Variants in PLS3 observed in about 807,000 individuals in gnomAD.
The protein encoded by PLS3 is plastin 3, also known as plastin-3.
In PLS3, 11 loss-of-function variants were observed where a neutral mutation model predicts 46.5. The ratio of observed to expected loss-of-function variants is 0.24; its 90% CI spans 0.15 to 0.39. The LOEUF (loss-of-function observed/expected upper bound fraction) is 0.39. PLS3 is among the 10% of genes least tolerant of loss of function. The probability of loss-of-function intolerance (pLI) is 1.00; values close to 1 mark genes in which losing one functional copy is unlikely to be tolerated. For synonymous variants in PLS3, 167 were observed against 162.2 expected (o/e 1.03, Z -0.22); for missense variants, 308 against 461.8 (o/e 0.67, Z 3.05).
chrX:115,625,819 G>C (rs782363519), intron 3 of PLS3, among the ~76,000 whole-genome samples: 2 of 111,496 alleles, frequency 1.8e-5, no homozygotes, highest in Non-Finnish European at 3.8e-5. Context: ...GTCCTGTGTT[G>C]AGCTAACTCT....
At chrX:115,610,915 AT>A in intron 2 of PLS3, 1 of 984,134 alleles carries the variant, frequency 1.0e-6, no homozygotes, top group Non-Finnish European at 1.4e-6. Flanking sequence ...TTGAGCAGCT[AT>A]GGAAGGTAAA....
intron 1 of PLS3, among the ~76,000 whole-genome samples, chrX:115,608,557 C>T (rs782599783): frequency 3.6e-5 from 4 of 112,002 alleles, no homozygotes; most frequent in Non-Finnish European, 7.5e-5. Flanking sequence ...ACGTACCACT[C>T]AGGTACAGGA....
At chrX:115,617,012 A>G (rs1286464271) in intron 2 of PLS3, among the ~76,000 whole-genome samples, 1 of 111,621 alleles carries the variant, frequency 9.0e-6, no homozygotes, top group Non-Finnish European at 1.9e-5. Flanking sequence ...GCCTAAGGAT[A>G]TGTATTCGAA....
intron 1 of PLS3, among the ~76,000 whole-genome samples, chrX:115,595,053 C>T (rs1444438285): frequency 5.4e-5 from 6 of 111,566 alleles, no homozygotes; most frequent in Non-Finnish European, 9.4e-5. Context: ...TTGAGACTTG[C>T]ATTAAATAGC....
intron 1 of PLS3, among the ~76,000 whole-genome samples, chrX:115,578,200 ATGTT>A (rs2074259410): frequency 8.9e-6 from 1 of 111,964 alleles, no homozygotes; most frequent in South Asian, 3.7e-4. Context: ...ATCCATGTGA[ATGTT>A]TGGGGAGAAG....
chrX:115,624,779 G>A (rs1419476505), intron 3 of PLS3, among the ~76,000 whole-genome samples: 1 of 111,995 alleles, frequency 8.9e-6, no homozygotes, highest in East Asian at 2.8e-4. Flanking sequence ...AGGGCTTTAA[G>A]AAAACAACAT....
At chrX:115,589,574 A>G (rs1186765323) in intron 1 of PLS3, among the ~76,000 whole-genome samples, 2 of 112,012 alleles carry the variant, frequency 1.8e-5, no homozygotes, top group Non-Finnish European at 3.8e-5. Context: ...AAACTGTTTC[A>G]TGAAAGGAAA....
chrX:115,630,884 T>TAC (rs1307459386), intron 5 of PLS3, among the ~76,000 whole-genome samples: 3 of 96,076 alleles, frequency 3.1e-5, no homozygotes, highest in Non-Finnish European at 6.0e-5. Flanking sequence ...TATGTATATA[T>TAC]ATGTATAATA....
At position 115,642,182 on chromosome X, in the gene PLS3, G is replaced by A. The variant is rs138494424; in HGVS notation, c.988-1131G>A. ...GCGTGAGCCACCACGTCCAACCAAG[G>A]CCTAATTTTAACTCTGAACAGTTTT... On this transcript the variant is annotated intron_variant, in intron 9 of 15. Transcript: ENST00000355899. Among the ~76,000 whole-genome samples, 4 of 108,189 alleles carry A rather than the reference G, an allele frequency of 3.7e-5. No homozygotes were observed. In the East Asian group the frequency reaches 1.2e-3, roughly 31 times the overall value. 93.9% of individuals were successfully genotyped at this position (108,189 alleles called of 115,157 possible).
Position 115,600,150 on chromosome X carries a change from A to G in PLS3, c.-8-10093A>G, listed in dbSNP as rs184544445. On this transcript the variant is annotated intron_variant, in intron 1 of 15. Transcript: ENST00000355899. ...ACATTGCAGTTGGTTGGAGTATTTT[A>G]TTCATTTTTTATGTTTATTTTTTTA... Among the ~76,000 whole-genome samples, 117 of 110,625 alleles carry G rather than the reference A, an allele frequency of 1.1e-3. 1 individual carries two copies. The highest frequency in any genetic ancestry group is 2.1e-4 in the Non-Finnish European group (11 of 52,911).
At chrX:115,643,534 G>C in intron 10 of PLS3, 26 bp downstream of exon 10, 1 of 908,425 alleles carries the variant, frequency 1.1e-6, no homozygotes, top group African/African-American at 1.9e-5. Flanking sequence ...AATTTCGAAT[G>C]TGTGGGACTA....
At chrX:115,577,661 A>G (rs189422369) in intron 1 of PLS3, among the ~76,000 whole-genome samples, 4 of 110,749 alleles carry the variant, frequency 3.6e-5, no homozygotes, top group African/African-American at 1.3e-4. Context: ...TGTTTTTTGT[A>G]GAGATGGGGT....
intron 1 of PLS3, among the ~76,000 whole-genome samples, chrX:115,574,536 T>C (rs1556630987): frequency 2.7e-5 from 3 of 112,152 alleles, no homozygotes; most frequent in Admixed American, 9.5e-5. Context: ...TTGGGACATA[T>C]TAATATTTTG....
chrX:115,641,221 CTT>C (rs2074891613), intron 9 of PLS3, among the ~76,000 whole-genome samples: 2 of 97,343 alleles, frequency 2.1e-5, no homozygotes, highest in African/African-American at 3.9e-5. Context: ...TTTTTCTTCT[CTT>C]TCTTTTTTTT....
At chrX:115,595,235 TA>T (rs1289508065) in intron 1 of PLS3, among the ~76,000 whole-genome samples, 5 of 111,831 alleles carry the variant, frequency 4.5e-5, no homozygotes, top group Non-Finnish European at 9.4e-5. Context: ...AACTTTTACC[TA>T]AAATGGAGGT....
At position 115,629,220 on chromosome X, in the gene PLS3, G is replaced by C; in HGVS notation, c.260G>C (p.Ser87Thr). Reference sequence around the variant, plus strand: ...TAGATTTTTCAAGAGGTAAAAAGTAGTGATATTGCCAAGACCTTCCGCAAA... The same window carrying C: ...TAGATTTTTCAAGAGGTAAAAAGTACTGATATTGCCAAGACCTTCCGCAAA... ...FVYIFQEVKSSDIAKTFRKAI... is the reference protein window; with the variant it reads ...FVYIFQEVKSTDIAKTFRKAI... The change falls in exon 4 of 16, where the codon AGT (serine) becomes ACT (threonine). Residue 87 changes from serine (S) to threonine (T), a missense_variant. Physicochemically the swap from Ser to Thr is moderately conservative, Grantham distance 58. This residue lies in a region of PLS3 where 271 missense variants were observed against 435.7 expected (regional missense o/e 0.62). Transcript: ENST00000355899. 1 of 1,185,335 alleles carries C rather than the reference G, an allele frequency of 8.4e-7. No individual in the cohort carries two copies.
intron 2 of PLS3, among the ~76,000 whole-genome samples, chrX:115,613,892 G>A (rs1005539940): frequency 1.8e-5 from 2 of 112,045 alleles, no homozygotes; most frequent in African/African-American, 6.5e-5. Flanking sequence ...TATTTTAAAT[G>A]TAAAGAGAAA....
intron 11 of PLS3, among the ~76,000 whole-genome samples, chrX:115,645,517 C>G (rs1391002285): frequency 9.1e-6 from 1 of 110,185 alleles, no homozygotes; most frequent in Admixed American, 9.8e-5. Flanking sequence ...AAACAGAGAC[C>G]AGGGAATCCT....
intron 8 of PLS3, among the ~76,000 whole-genome samples, chrX:115,639,472 A>C (rs1423911317): frequency 3.6e-5 from 4 of 111,797 alleles, no homozygotes; most frequent in Middle Eastern, 4.6e-3. Context: ...TAATTCACAT[A>C]TTGAGTAACT....
Sources: allele counts gnomAD v4.1 joint callset (sites outside exome capture counted in the v4.1 genomes callset), GRCh38; gene constraint gnomAD v4.1.1; regional missense constraint gnomAD v4.1.1; transcripts MANE v1.5; gene names NCBI Gene and HGNC (gene_info 2026-07-23, HGNC 2026-07-21).